Variants in GRM3 observed in about 807,000 individuals in gnomAD.
GRM3 encodes the protein metabotropic glutamate receptor 3.
GRM3 carries 26 observed loss-of-function variants against 70.5 expected under a neutral mutation model. That is an observed-to-expected ratio of 0.37 (90% confidence interval 0.27 to 0.51). GRM3 has a LOEUF of 0.51. Ranked by LOEUF, GRM3 falls within the 20% of genes least tolerant of loss-of-function variation. The pLI is 0.93. For missense variants in GRM3, 859 were observed against 1,123.8 expected (o/e 0.76, Z 3.37); for synonymous variants, 443 against 434.9 (o/e 1.02, Z -0.23).
At chr7:86,755,781 C>G (rs939715241) in intron 1 of GRM3, among the ~76,000 whole-genome samples, 2 of 151,966 alleles carry the variant, frequency 1.3e-5, no homozygotes, top group African/African-American at 4.8e-5. Flanking sequence ...GGGTTTCCAG[C>G]AAACAGGATA....
At chr7:86,819,032 CT>C (rs1484205052) in intron 3 of GRM3, among the ~76,000 whole-genome samples, 13 of 152,204 alleles carry the variant, frequency 8.5e-5, no homozygotes, top group African/African-American at 2.9e-4. Context: ...TCTCAGACAT[CT>C]TTATTGTAAG....
chr7:86,800,355 T>A (rs990169727), intron 3 of GRM3, among the ~76,000 whole-genome samples: 6 of 151,598 alleles, frequency 4.0e-5, no homozygotes, highest in Admixed American at 3.3e-4. Context: ...AATCCAGGAG[T>A]TGGTTTTCAG....
At chr7:86,723,409 T>C (rs1584194086) in intron 1 of GRM3, among the ~76,000 whole-genome samples, 1 of 152,250 alleles carries the variant, frequency 6.6e-6, no homozygotes, top group Non-Finnish European at 1.5e-5. Flanking sequence ...GAGCCCCATT[T>C]TAACTGCCAG....
chr7:86,786,908 C>A lies in GRM3; in HGVS notation c.1116C>A (p.Val372=). 1 of 1,614,022 alleles carries A rather than the reference C, an allele frequency of 6.2e-7. No individual in the cohort carries two copies. The change falls in exon 3 of 6, where the codon GTC becomes GTA. Residue 372 remains valine, a synonymous_variant. Coordinates refer to ENST00000361669, the MANE Select transcript of GRM3 (RefSeq NM_000840.3). The surrounding 1 kb of genome is among the most constrained non-coding windows in gnomAD (Gnocchi z 6.0). ...SLQNKRNHRR[V]CDKHLAIDSS... ...AGAACAAACGCAACCACAGGCGCGTCTGCGACAAGCACCTGGCCATCGACA... is the reference window on the plus strand; with the variant it reads ...AGAACAAACGCAACCACAGGCGCGTATGCGACAAGCACCTGGCCATCGACA...
At chr7:86,767,561 A>G (rs1207239052) in intron 2 of GRM3, among the ~76,000 whole-genome samples, 2 of 127,182 alleles carry the variant, frequency 1.6e-5, no homozygotes, top group Admixed American at 8.2e-5. Flanking sequence ...ATATATATAA[A>G]TGAAGTATGA....
chr7:86,819,571 T>C (rs1489573498), intron 3 of GRM3, among the ~76,000 whole-genome samples: 1 of 152,094 alleles, frequency 6.6e-6, no homozygotes, highest in African/African-American at 2.4e-5. Flanking sequence ...TTGAAACTAA[T>C]GCCATGCTGC....
intron 1 of GRM3, among the ~76,000 whole-genome samples, chr7:86,740,375 A>T (rs934859182): frequency 6.6e-6 from 1 of 152,124 alleles, no homozygotes; most frequent in Non-Finnish European, 1.5e-5. Flanking sequence ...TGGGGAGAAA[A>T]CAATGAGATA....
At position 86,655,739 on chromosome 7, in the gene GRM3, A is replaced by G. The variant is rs547311250; in HGVS notation, c.-141+10867A>G. 2.6e-5 allele frequency among the ~76,000 whole-genome samples: 4 copies of G among 152,094 alleles called. No individual in the cohort carries two copies. The South Asian group carries it at 8.3e-4, about 32-fold the overall frequency. ...TCCTCCAAAGTTAGGGGTGGAAGGT[A>G]GGCGAAAACAAGATGGTTATAGGAA... On this transcript the variant is annotated intron_variant, in intron 1 of 5. Coordinates refer to ENST00000361669, the MANE Select transcript of GRM3 (RefSeq NM_000840.3).
chr7:86,674,321 T>C (rs983762917), intron 1 of GRM3, among the ~76,000 whole-genome samples: 1 of 152,094 alleles, frequency 6.6e-6, no homozygotes, highest in African/African-American at 2.4e-5. Context: ...TGAGTGTTCT[T>C]ACATGGCAGC....
chr7:86,737,092 T>G (rs1391132937), intron 1 of GRM3, among the ~76,000 whole-genome samples: 1 of 151,970 alleles, frequency 6.6e-6, no homozygotes, highest in Non-Finnish European at 1.5e-5. Flanking sequence ...ATGGCCAAAC[T>G]CAGCTGCTAG....
intron 1 of GRM3, among the ~76,000 whole-genome samples, chr7:86,749,528 A>G (rs1796181675): frequency 6.6e-6 from 1 of 152,058 alleles, no homozygotes; most frequent in Admixed American, 6.6e-5. Context: ...AGCACCAAAC[A>G]CGGCCTTGAT....
At chr7:86,755,741 T>C (rs1048173666) in intron 1 of GRM3, among the ~76,000 whole-genome samples, 1 of 152,134 alleles carries the variant, frequency 6.6e-6, no homozygotes, top group African/African-American at 2.4e-5. Context: ...GGGATGGCTC[T>C]TTTAGTAGAA....
chr7:86,705,343 G>A (rs1264286807), intron 1 of GRM3, among the ~76,000 whole-genome samples: 1 of 151,966 alleles, frequency 6.6e-6, no homozygotes. Flanking sequence ...GAGAGGTGAA[G>A]TACCAGTCAA....
At chr7:86,863,185 A>G in intron 5 of GRM3, among the ~76,000 whole-genome samples, 1 of 152,200 alleles carries the variant, frequency 6.6e-6, no homozygotes, top group East Asian at 1.9e-4. Flanking sequence ...TTCAGTGAAA[A>G]GAAAAAGCAT....
chr7:86,694,439 G>T (rs1794764105), intron 1 of GRM3, among the ~76,000 whole-genome samples: 1 of 148,196 alleles, frequency 6.7e-6, no homozygotes, highest in Non-Finnish European at 1.5e-5. Flanking sequence ...GTGAACCCGG[G>T]AAGTGGGGCT....
chr7:86,652,399 C>T (rs747192323), intron 1 of GRM3, among the ~76,000 whole-genome samples: 2 of 152,198 alleles, frequency 1.3e-5, no homozygotes, highest in Admixed American at 6.5e-5. Context: ...GACGCAATCT[C>T]GGCTCACTGC....
intron 2 of GRM3, among the ~76,000 whole-genome samples, chr7:86,767,361 G>A (rs1227419624): frequency 6.6e-6 from 1 of 151,086 alleles, no homozygotes; most frequent in African/African-American, 2.4e-5. Flanking sequence ...TAGGATAACT[G>A]GTTTTAAATA....
intron 1 of GRM3, among the ~76,000 whole-genome samples, chr7:86,731,447 T>C (rs1392535110): frequency 6.6e-6 from 1 of 152,204 alleles, no homozygotes; most frequent in Non-Finnish European, 1.5e-5. Flanking sequence ...AGATCTTGCT[T>C]TTATTAAACT....
At chr7:86,698,106 T>C (rs1018713560) in intron 1 of GRM3, among the ~76,000 whole-genome samples, 1 of 152,114 alleles carries the variant, frequency 6.6e-6, no homozygotes, top group African/African-American at 2.4e-5. Flanking sequence ...ATTTTAACAA[T>C]AATATCCTTT....
Sources: allele counts gnomAD v4.1 joint callset (sites outside exome capture counted in the v4.1 genomes callset), GRCh38; gene constraint gnomAD v4.1.1; non-coding constraint Gnocchi (gnomAD v3.1); transcripts MANE v1.5; gene names NCBI Gene and HGNC (gene_info 2026-07-23, HGNC 2026-07-21).